GPRC5A: variants seen among roughly 807,000 people sequenced by gnomAD.
GPRC5A encodes the protein retinoic acid-induced protein 3.
GPRC5A carries 19 observed loss-of-function variants against 22.5 expected under a neutral mutation model. The observed-to-expected ratio is 0.85, with a 90% CI of 0.59 to 1.24. The LOEUF (loss-of-function observed/expected upper bound fraction) is 1.24. Among genes scored for constraint, GPRC5A ranks in the 50% most tolerant of loss-of-function variants. The pLI, the probability that GPRC5A is intolerant of heterozygous loss-of-function variation, is 0.00. For synonymous variants in GPRC5A, 192 were observed against 184.5 expected, an observed-to-expected ratio of 1.04 and a Z score of -0.33; for missense variants, 471 against 451.1, an observed-to-expected ratio of 1.04 and a Z score of -0.40.
rs976023323 is a variant in GPRC5A, at chr12:12,917,889, A to G, written c.*5350A>G. The G allele has an allele frequency of 1.3e-5, 2 of 152,144 alleles. No individual in the cohort carries two copies. The highest frequency in any genetic ancestry group is 4.8e-5 in the African/African-American group (2 of 41,420). 9.4% of individuals were successfully genotyped at this position (152,144 alleles called of 1,614,324 possible). A position where few individuals can be genotyped will look rare whatever the true frequency, so the allele number is the denominator to read the frequency against. On this transcript the variant is annotated 3_prime_UTR_variant, in exon 4 of 4. Coordinates refer to ENST00000014914, the MANE Select transcript of GPRC5A (RefSeq NM_003979.4). Reference sequence around the variant, plus strand: ...TTCAGTTTTTAGCCCTCATGACTGTATTTTCTAATCAGAGACAATAACATT... The same window carrying G: ...TTCAGTTTTTAGCCCTCATGACTGTGTTTTCTAATCAGAGACAATAACATT...
At chr12:12,907,921 C>T (rs1863959734) in intron 1 of GPRC5A, among the ~76,000 whole-genome samples, 2 of 152,166 alleles carry the variant, frequency 1.3e-5, no homozygotes, top group Admixed American at 6.5e-5. Context: ...GCCAACACGT[C>T]CAGCCCTGTG....
rs775931026 is a variant in GPRC5A at position 12,908,894 on chromosome 12, C to A, written c.645C>A (p.Leu215=). 6.2e-7 allele frequency: 1 copy of A among 1,614,186 alleles called. No individual in the cohort carries two copies. Among genetic ancestry groups the A allele is most frequent in the Non-Finnish European group, 8.5e-7 (1 of 1,180,008 alleles). ...GWKRHGAHIY[L]TMLLSIAIWV... ...AGAGACATGGGGCCCACATCTACCT[C>A]ACGATGCTCCTCTCCATTGCCATCT... is the stretch of plus-strand genomic sequence containing the variant. Residue 215 remains leucine (L), a synonymous_variant, in exon 2 of 4, where the codon CTC becomes CTA. Transcript: ENST00000014914.
At chr12:12,900,557 T>A (rs571455968) in intron 1 of GPRC5A, among the ~76,000 whole-genome samples, 2 of 152,166 alleles carry the variant, frequency 1.3e-5, no homozygotes, top group East Asian at 3.9e-4. Context: ...TTCCTCTTGT[T>A]CTTATTCTTC....
chr12:12,906,553 T>C (rs1863943752), intron 1 of GPRC5A, among the ~76,000 whole-genome samples: 1 of 152,112 alleles, frequency 6.6e-6, no homozygotes, highest in Non-Finnish European at 1.5e-5. Context: ...AGCGAGGCTC[T>C]GTTCCCCCCA....
rs544803999 is a variant in GPRC5A, at chr12:12,916,082, G to A, written c.*3543G>A. The A allele has an allele frequency of 2.2e-5, 5 of 230,714 alleles. No homozygotes were observed. The highest frequency in any genetic ancestry group is 1.1e-4 in the Admixed American group (2 of 17,842). The allele number at this position is 230,714 out of a possible 1,614,324, so 14.3% of individuals were successfully genotyped here. A position where few individuals can be genotyped will look rare whatever the true frequency, so the allele number is the denominator to read the frequency against. ...ACCAAAGGATAGCTGTTCTGTTTAA[G>A]TAGGGACCTCTCATGGCCTACAGGC... On this transcript the variant is annotated 3_prime_UTR_variant, in exon 4 of 4. Transcript: ENST00000014914.
chr12:12,910,172 G>C (rs1863988502), intron 2 of GPRC5A, among the ~76,000 whole-genome samples: 1 of 152,150 alleles, frequency 6.6e-6, no homozygotes, highest in South Asian at 2.1e-4. Flanking sequence ...CCAAGGCCAT[G>C]TTCTTAGCTC....
chr12:12,899,606 A>C (rs1863861114), intron 1 of GPRC5A, among the ~76,000 whole-genome samples: 1 of 152,212 alleles, frequency 6.6e-6, no homozygotes, highest in Non-Finnish European at 1.5e-5. Context: ...ATGGATGTAA[A>C]AGCATGTAAA....
At chr12:12,904,530 G>A (rs1863920695) in intron 1 of GPRC5A, among the ~76,000 whole-genome samples, 1 of 152,164 alleles carries the variant, frequency 6.6e-6, no homozygotes, top group African/African-American at 2.4e-5. Flanking sequence ...GGTAGAAGTG[G>A]AAACGTGTCT....
chr12:12,905,902 C>T (rs557517573), intron 1 of GPRC5A, among the ~76,000 whole-genome samples: 14 of 152,064 alleles, frequency 9.2e-5, no homozygotes, highest in Non-Finnish European at 2.1e-4. Context: ...TGTGGATGGT[C>T]CGTTACCTGG....
chr12:12,901,762 CA>C (rs34748296), intron 1 of GPRC5A, among the ~76,000 whole-genome samples: 28,332 of 85,610 alleles, frequency 0.33, 2,820 homozygotes, highest in African/African-American at 0.35. Flanking sequence ...ACTTGGGCAT[CA>C]AAAAAAAAAA....
chr12:12,904,724 G>A (rs1400126480), intron 1 of GPRC5A, among the ~76,000 whole-genome samples: 4 of 151,856 alleles, frequency 2.6e-5, no homozygotes, highest in South Asian at 2.1e-4. Context: ...ACATAATATC[G>A]TGATAATATA....
chr12:12,900,118 C>T (rs1327037813), intron 1 of GPRC5A, among the ~76,000 whole-genome samples: 1 of 152,234 alleles, frequency 6.6e-6, no homozygotes, highest in Non-Finnish European at 1.5e-5. Context: ...TGTCTAGGGT[C>T]AGCGCTGCTC....
At chr12:12,911,710 G>A (rs771630991) in intron 2 of GPRC5A, among the ~76,000 whole-genome samples, 5 of 152,124 alleles carry the variant, frequency 3.3e-5, no homozygotes, top group South Asian at 2.1e-4. Context: ...GGATGGTCTC[G>A]ATCTCCTGAC....
chr12:12,914,201 C>A lies in GPRC5A; in HGVS notation c.*1662C>A. ...GTGTAGCTAAGTCAGGGAGTTACTT[C>A]CTAAGAGCCTGACGCTCTGCTTTTC... On this transcript the variant is annotated 3_prime_UTR_variant, in exon 4 of 4. Transcript: ENST00000014914. 1 of 152,842 alleles carries A rather than the reference C, an allele frequency of 6.5e-6. No individual in the cohort carries two copies. The highest frequency in any genetic ancestry group is 1.9e-4 in the East Asian group (1 of 5,196). 9.5% of individuals were successfully genotyped at this position (152,842 alleles called of 1,614,324 possible).
At chr12:12,903,031 C>G (rs1179294088) in intron 1 of GPRC5A, among the ~76,000 whole-genome samples, 1 of 152,010 alleles carries the variant, frequency 6.6e-6, no homozygotes, top group Non-Finnish European at 1.5e-5. Context: ...CGCGCCATTG[C>G]ACTCCAGCCT....
At chr12:12,904,410 T>C (rs540143773) in intron 1 of GPRC5A, among the ~76,000 whole-genome samples, 83 of 152,224 alleles carry the variant, frequency 5.5e-4, no homozygotes, top group African/African-American at 1.9e-3. Context: ...ATGGCTGTGG[T>C]GTAGCTTCCA....
Position 12,911,966 on chromosome 12 carries a change from G to A in GPRC5A, c.923-118G>A. Reference sequence around the variant, plus strand: ...TCTCTGTCCCTCCAAGAAACTTAAGGTCTGCTGGAGAGACAGGCAATTAAA... The same window carrying A: ...TCTCTGTCCCTCCAAGAAACTTAAGATCTGCTGGAGAGACAGGCAATTAAA... On this transcript the variant is annotated intron_variant, in intron 2 of 3. Coordinates refer to ENST00000014914, the MANE Select transcript of GPRC5A (RefSeq NM_003979.4). 4.4e-6 allele frequency: 3 copies of A among 674,950 alleles called. No individual in the cohort carries two copies. In the South Asian group the frequency reaches 5.4e-5, roughly 12 times the overall value. 41.8% of individuals were successfully genotyped at this position (674,950 alleles called of 1,614,324 possible).
At chr12:12,907,053 TAA>T (rs1172274805) in intron 1 of GPRC5A, among the ~76,000 whole-genome samples, 1 of 125,252 alleles carries the variant, frequency 8.0e-6, no homozygotes, top group Non-Finnish European at 1.7e-5. Context: ...AAACTCCGTC[TAA>T]AAAAAAAAAA....
At chr12:12,899,125 C>T (rs1037513780) in intron 1 of GPRC5A, among the ~76,000 whole-genome samples, 5 of 152,112 alleles carry the variant, frequency 3.3e-5, no homozygotes, top group Non-Finnish European at 5.9e-5. Flanking sequence ...AGTTCCTGGG[C>T]TCAAGCAATC....
Sources: gnomAD v4.1 joint callset for allele counts (sites outside exome capture counted in the v4.1 genomes callset) on GRCh38, gnomAD v4.1.1 for gene constraint, MANE v1.5 for transcripts, NCBI Gene and HGNC (gene_info 2026-07-23, HGNC 2026-07-21) for gene names.